The following SHLD1 variants were observed in gnomAD, a reference collection of about 807,000 sequenced individuals.
SHLD1 encodes RINN1-REV7-interacting novel NHEJ regulator 3.
SHLD1 carries 3 observed loss-of-function variants against 5.5 expected under a neutral mutation model. The observed-to-expected ratio is 0.54, with a 90% CI of 0.25 to 1.40. The LOEUF (loss-of-function observed/expected upper bound fraction) is 1.40. Among genes scored for constraint, SHLD1 ranks in the 40% most tolerant of loss-of-function variants. The pLI is 0.15. For missense variants in SHLD1, 210 were observed against 244.4 expected, an observed-to-expected ratio of 0.86 and a Z score of 0.94; for synonymous variants, 92 against 94.3, an observed-to-expected ratio of 0.98 and a Z score of 0.14.
At chr20:5,787,598 C>G (rs2087077410) in intron 2 of SHLD1, among the ~76,000 whole-genome samples, 1 of 152,232 alleles carries the variant, frequency 6.6e-6, no homozygotes, top group Non-Finnish European at 1.5e-5. Flanking sequence ...CCTAATCACA[C>G]AATGCCTGCA....
intron 2 of SHLD1, among the ~76,000 whole-genome samples, chr20:5,811,321 G>A (rs1205044079): frequency 2.6e-5 from 4 of 152,204 alleles, no homozygotes; most frequent in Admixed American, 2.6e-4. Flanking sequence ...GGACAGGAGA[G>A]CCACAGCCAG....
At chr20:5,780,306 G>A (rs1483391088) in intron 2 of SHLD1, among the ~76,000 whole-genome samples, 1 of 152,104 alleles carries the variant, frequency 6.6e-6, no homozygotes, top group Non-Finnish European at 1.5e-5. Context: ...CATATCATCT[G>A]TTATCAAATT....
chr20:5,863,005 A>G lies in SHLD1; in HGVS notation c.179-19A>G. 1 of 1,549,596 alleles carries G rather than the reference A, an allele frequency of 6.5e-7. No homozygotes were observed. The highest frequency in any genetic ancestry group is 8.7e-7 in the Non-Finnish European group (1 of 1,149,944). ...TTTTGATTGTGTGTTTGAGTATTGGAATACGTTTTGTCTTGCAGACACCAG... is the reference window on the plus strand; with the variant it reads ...TTTTGATTGTGTGTTTGAGTATTGGGATACGTTTTGTCTTGCAGACACCAG... On this transcript the variant is annotated intron_variant, in intron 2 of 2. Coordinates refer to ENST00000303142, the MANE Select transcript of SHLD1 (RefSeq NM_152504.4).
intron 2 of SHLD1, among the ~76,000 whole-genome samples, chr20:5,775,491 T>C (rs1443864312): frequency 6.6e-6 from 1 of 152,206 alleles, no homozygotes; most frequent in Non-Finnish European, 1.5e-5. Context: ...TAATTGGAAT[T>C]GGTTGACAGC....
At chr20:5,769,024 G>C (rs1365867564) in intron 1 of SHLD1, among the ~76,000 whole-genome samples, 3 of 150,310 alleles carry the variant, frequency 2.0e-5, no homozygotes, top group African/African-American at 7.4e-5. Flanking sequence ...TCCCAACTCT[G>C]CCTCCTGAGT....
intron 1 of SHLD1, among the ~76,000 whole-genome samples, chr20:5,767,647 A>C (rs1568492018): frequency 6.6e-6 from 1 of 152,182 alleles, no homozygotes; most frequent in Non-Finnish European, 1.5e-5. Flanking sequence ...CCAGCTGTCA[A>C]ATCTGCAGAT....
At chr20:5,839,504 GATAGA>G (rs2087830927) in intron 2 of SHLD1, among the ~76,000 whole-genome samples, 1 of 151,994 alleles carries the variant, frequency 6.6e-6, no homozygotes, top group Non-Finnish European at 1.5e-5. Flanking sequence ...TAGATAGATA[GATAGA>G]TAGATAGATA....
chr20:5,862,109 A>G (rs1428121087), intron 2 of SHLD1, among the ~76,000 whole-genome samples: 2 of 152,162 alleles, frequency 1.3e-5, no homozygotes, highest in African/African-American at 4.8e-5. Flanking sequence ...TTTAACTTTA[A>G]TTACCTCCTA....
chr20:5,793,903 T>C (rs2087175804), intron 2 of SHLD1, among the ~76,000 whole-genome samples: 1 of 152,026 alleles, frequency 6.6e-6, no homozygotes, highest in Non-Finnish European at 1.5e-5. Flanking sequence ...AGAGACAGGG[T>C]TTCACCATGT....
chr20:5,859,628 C>T (rs904824421), intron 2 of SHLD1, among the ~76,000 whole-genome samples: 11 of 152,194 alleles, frequency 7.2e-5, no homozygotes, highest in Non-Finnish European at 2.9e-5. Context: ...GAAATGGTGA[C>T]ATCCAAAAGC....
At chr20:5,782,908 G>T (rs1342405211) in intron 2 of SHLD1, among the ~76,000 whole-genome samples, 2 of 152,156 alleles carry the variant, frequency 1.3e-5, no homozygotes, top group Admixed American at 6.6e-5. Context: ...ATGTGTTGTT[G>T]TAGTTTTAAA....
intron 2 of SHLD1, among the ~76,000 whole-genome samples, chr20:5,800,957 T>C (rs1012949846): frequency 1.3e-5 from 2 of 152,200 alleles, no homozygotes; most frequent in African/African-American, 2.4e-5. Flanking sequence ...GGCTAAATTA[T>C]GCTGTGGTAA....
At chr20:5,758,189 C>G (rs191548551) in intron 1 of SHLD1, among the ~76,000 whole-genome samples, 1 of 149,544 alleles carries the variant, frequency 6.7e-6, no homozygotes, top group Non-Finnish European at 1.5e-5. Context: ...AATTGGAGAA[C>G]CTGAAGGAGG....
intron 2 of SHLD1, among the ~76,000 whole-genome samples, chr20:5,860,914 C>T (rs1224987834): frequency 5.6e-5 from 7 of 125,664 alleles, no homozygotes; most frequent in South Asian, 5.5e-4. Flanking sequence ...AAAAAAAAGA[C>T]GGGCCTGGGA....
chr20:5,857,522 G>A (rs1438160422), intron 2 of SHLD1, among the ~76,000 whole-genome samples: 3 of 152,088 alleles, frequency 2.0e-5, no homozygotes, highest in Admixed American at 6.6e-5. Flanking sequence ...AAAAACTTAA[G>A]TCTTGGTCAG....
At chr20:5,771,701 G>A (rs1187489394) in intron 1 of SHLD1, among the ~76,000 whole-genome samples, 3 of 151,136 alleles carry the variant, frequency 2.0e-5, no homozygotes, top group African/African-American at 4.9e-5. Context: ...TACAACCTCC[G>A]TGTGGCTATA....
intron 1 of SHLD1, among the ~76,000 whole-genome samples, chr20:5,768,583 G>A (rs750880451): frequency 4.6e-5 from 7 of 152,302 alleles, no homozygotes; most frequent in South Asian, 2.1e-4. Flanking sequence ...TGTTTGGTCC[G>A]TAGAGGAAAA....
intron 1 of SHLD1, among the ~76,000 whole-genome samples, chr20:5,752,761 G>A (rs917845696): frequency 6.6e-6 from 1 of 151,632 alleles, no homozygotes; most frequent in Non-Finnish European, 1.5e-5. Flanking sequence ...GATTACAGGT[G>A]TGCACCACCA....
At chr20:5,847,320 A>G (rs1167699258) in intron 2 of SHLD1, among the ~76,000 whole-genome samples, 1 of 152,154 alleles carries the variant, frequency 6.6e-6, no homozygotes, top group Non-Finnish European at 1.5e-5. Flanking sequence ...CTTCTTTATT[A>G]AATAGAATAG....
Sources: gnomAD v4.1 joint callset for allele counts (sites outside exome capture counted in the v4.1 genomes callset) on GRCh38, gnomAD v4.1.1 for gene constraint, MANE v1.5 for transcripts, NCBI Gene and HGNC (gene_info 2026-07-23, HGNC 2026-07-21) for gene names.